Variants in EEF1A1 observed in about 807,000 individuals in gnomAD.
The protein encoded by EEF1A1 is elongation factor 1-alpha 1.
Under a neutral mutation model 38.5 loss-of-function variants are expected in EEF1A1, and 1 was observed. The observed-to-expected ratio is 0.03, with a 90% CI of 0.01 to 0.12. EEF1A1 has a LOEUF of 0.12. Among genes scored for constraint, EEF1A1 ranks in the 10% least tolerant of loss-of-function variants. The probability of loss-of-function intolerance (pLI) is 1.00; values close to 1 mark genes in which losing one functional copy is unlikely to be tolerated. For synonymous variants in EEF1A1, 229 were observed against 203.7 expected, an observed-to-expected ratio of 1.12 and a Z score of -1.06; for missense variants, 184 against 588.3, an observed-to-expected ratio of 0.31 and a Z score of 7.11.
chr6:73,519,136 CAGA>C lies in EEF1A1; in HGVS notation c.414_416del (p.Leu139del). ...GTTGTTTCACACCCAGTGTGTAAGC[CAGA>C]AGGGCATGCTCTCGGGTCTGCCCAT... On this transcript the variant is annotated inframe_deletion, in exon 4 of 8. Coordinates refer to ENST00000309268, the MANE Select transcript of EEF1A1 (RefSeq NM_001402.6). The C allele has an allele frequency of 6.3e-7, 1 of 1,598,178 alleles. No individual in the cohort carries two copies. The highest frequency in any genetic ancestry group is 8.5e-7 in the Non-Finnish European group (1 of 1,176,220).
chr6:73,519,836 G>A, intron 2 of EEF1A1, 47 bp downstream of exon 2: 1 of 1,609,178 alleles, frequency 6.2e-7, no homozygotes, highest in Middle Eastern at 2.0e-4. Context: ...GATTCTGCTG[G>A]TAAAACTCAT....
At chr6:73,518,302 T>C (rs1467165694) in intron 6 of EEF1A1, 38 bp from the exon 7 acceptor site, 1 of 1,611,082 alleles carries the variant, frequency 6.2e-7, no homozygotes, top group African/African-American at 1.3e-5. Flanking sequence ...AAATCCAAAG[T>C]CTCAAATGAC....
At chr6:73,519,542 G>A in intron 2 of EEF1A1, 26 bp from the exon 3 acceptor site, 2 of 1,562,478 alleles carry the variant, frequency 1.3e-6, no homozygotes, top group South Asian at 1.1e-5. Flanking sequence ...GTCGTTACTT[G>A]GTTACTAAAA....
Position 73,517,691 on chromosome 6 carries a change from ATTG to A in EEF1A1, c.*116_*118del. 1.8e-6 allele frequency: 1 copy of A among 563,858 alleles called. No individual in the cohort carries two copies. Among genetic ancestry groups the A allele is most frequent in the Non-Finnish European group, 3.1e-6 (1 of 323,660 alleles). 34.9% of individuals were successfully genotyped at this position (563,858 alleles called of 1,614,324 possible). On this transcript the variant is annotated 3_prime_UTR_variant, in exon 8 of 8. Transcript: ENST00000309268. ...TTTCCTTCTGAAGGTTTTACGATGC[ATTG>A]TTATCATTAACCAGTCTTTTACTAC...
rs11550843 is a variant in EEF1A1 at position 73,518,222 on chromosome 6, C to T, written c.1072G>A (p.Ala358Thr). ...GCCGTGTGGCAATCCAATACAGGGG[C>T]ATAGCCGGCGCTTATTTGGCCTGGA... is the stretch of plus-strand genomic sequence containing the variant. ...NHPGQISAGY[A>T]PVLDCHTAHI... Residue 358 changes from alanine to threonine, a missense_variant, in exon 7 of 8, where the codon GCC becomes ACC. Coordinates refer to ENST00000309268, the MANE Select transcript of EEF1A1 (RefSeq NM_001402.6). The T allele has an allele frequency of 1.1e-5, 17 of 1,613,962 alleles. No individual in the cohort carries two copies. Among genetic ancestry groups the T allele is most frequent in the Non-Finnish European group, 1.4e-5 (17 of 1,180,028 alleles).
chr6:73,520,193 G>A (rs1340228105), intron 1 of EEF1A1, 137 bp from the exon 2 acceptor site: 5 of 760,622 alleles, frequency 6.6e-6, no homozygotes, highest in Non-Finnish European at 8.2e-6. Flanking sequence ...CACCCACTCA[G>A]TGTGGGGAAA....
intron 3 of EEF1A1, 44 bp from the exon 4 acceptor site, chr6:73,519,272 A>G: frequency 1.9e-6 from 3 of 1,606,358 alleles, no homozygotes; most frequent in Non-Finnish European, 2.6e-6. Flanking sequence ...TCTCCAAATG[A>G]CAAAACCAGT....
rs186201572 is a variant in EEF1A1, at chr6:73,519,712, T to A, written c.144+171A>T. Among the ~76,000 whole-genome samples, 423 of 152,296 alleles carry A rather than the reference T, an allele frequency of 2.8e-3. 3 individuals are homozygous for A. The highest frequency in any genetic ancestry group is 9.4e-3 in the African/African-American group (391 of 41,566). ...CTTAACTATTAACATCCAAATCTAC[T>A]CACTAGCAATACGATTACAGAAGTC... On this transcript the variant is annotated intron_variant, in intron 2 of 7. Coordinates refer to ENST00000309268, the MANE Select transcript of EEF1A1 (RefSeq NM_001402.6).
In EEF1A1 at chr6:73,516,459, A is replaced by C. The variant is rs887822346; in HGVS notation, c.*1351T>G. On this transcript the variant is annotated 3_prime_UTR_variant, in exon 8 of 8. Transcript: ENST00000309268. ...ACCTCATCTCTATTAAAAACACCAA[A>C]TTAGCACATGCCTGTAATCCCAGCT... 1.3e-5 allele frequency: 2 copies of C among 152,080 alleles called. No individual in the cohort carries two copies. Among genetic ancestry groups the C allele is most frequent in the Non-Finnish European group, 2.9e-5 (2 of 68,030 alleles). The allele number at this position is 152,080 out of a possible 1,614,324, so 9.4% of individuals were successfully genotyped here.
At position 73,518,629 on chromosome 6, in the gene EEF1A1, T is replaced by G. The variant is rs1168794201; in HGVS notation, c.773-19A>C. The G allele has an allele frequency of 6.2e-7, 1 of 1,612,938 alleles. No individual in the cohort carries two copies. On this transcript the variant is annotated intron_variant, in intron 5 of 7. Transcript: ENST00000309268. ...CCAATACCTAAAAATATTTACAGCA[T>G]ACTAAATACCTATGAAGGCAGACAG...
chr6:73,518,632 T>C (rs779343366), intron 5 of EEF1A1, 22 bp from the exon 6 acceptor site: 76 of 1,612,872 alleles, frequency 4.7e-5, no homozygotes, highest in Non-Finnish European at 6.3e-5. Context: ...TACAGCATAC[T>C]AAATACCTAT....
chr6:73,518,582 C>T lies in EEF1A1; in HGVS notation c.801G>A (p.Val267=), dbSNP rs1308073181. Residue 267 remains valine (V), a synonymous_variant, in exon 6 of 8, where the codon GTG becomes GTA. Coordinates refer to ENST00000309268, the MANE Select transcript of EEF1A1 (RefSeq NM_001402.6). ...GGIGTVPVGR[V]ETGVLKPGMV... Reference sequence around the variant, plus strand: ...TACCGGGTTTGAGAACACCAGTCTCCACTCGGCCAACAGGAACAGTACCAA... The same window carrying T: ...TACCGGGTTTGAGAACACCAGTCTCTACTCGGCCAACAGGAACAGTACCAA... 2 of 1,613,606 alleles carry T rather than the reference C, an allele frequency of 1.2e-6. No individual in the cohort carries two copies. Among genetic ancestry groups the T allele is most frequent in the Admixed American group, 3.3e-5 (2 of 60,004 alleles).
intron 2 of EEF1A1, 96 bp downstream of exon 2, chr6:73,519,787 G>C (rs990124890): frequency 2.6e-6 from 4 of 1,547,052 alleles, no homozygotes; most frequent in Non-Finnish European, 3.5e-6. Flanking sequence ...TTAGCATTCA[G>C]ATCTAAACCA....
Position 73,519,634 on chromosome 6 carries a change from T to C in EEF1A1, c.145-118A>G, listed in dbSNP as rs1437876404. On this transcript the variant is annotated intron_variant, in intron 2 of 7. Coordinates refer to ENST00000309268, the MANE Select transcript of EEF1A1 (RefSeq NM_001402.6). ...TACAACTCCAAGTCCAAAGTGATTT[T>C]AGTCACTTTGGGTTACAGAAGCAAC... The C allele has an allele frequency of 5.5e-6, 7 of 1,272,998 alleles. No homozygotes were observed. The African/African-American group carries it at 8.9e-5, about 16-fold the overall frequency. The allele number at this position is 1,272,998 out of a possible 1,614,324, so 78.9% of individuals were successfully genotyped here. A position where few individuals can be genotyped will look rare whatever the true frequency, so the allele number is the denominator to read the frequency against.
chr6:73,520,223 TCCC>T, intron 1 of EEF1A1, 167 bp from the exon 2 acceptor site: 1 of 588,710 alleles, frequency 1.7e-6, no homozygotes, highest in Non-Finnish European at 2.8e-6. Context: ...ATAAAACCCC[TCCC>T]CCCAACCTAA....
At chr6:73,517,989 T>C (rs1205996614) in intron 7 of EEF1A1, 41 bp downstream of exon 7, 3 of 1,612,062 alleles carry the variant, frequency 1.9e-6, no homozygotes, top group African/African-American at 2.7e-5. Flanking sequence ...GTATTTTTCA[T>C]CTTTAACACA....
chr6:73,518,286 C>T (rs1456697056), intron 6 of EEF1A1, 22 bp from the exon 7 acceptor site: 2 of 1,610,856 alleles, frequency 1.2e-6, no homozygotes, highest in Admixed American at 1.7e-5. Flanking sequence ...GATTTGCATT[C>T]AGTGCAAATC....
intron 1 of EEF1A1, chr6:73,520,389 T>A: frequency 5.6e-6 from 1 of 180,036 alleles, no homozygotes; most frequent in South Asian, 1.1e-4. Flanking sequence ...CGCCGCGTCC[T>A]CCATTTTGAG....
intron 5 of EEF1A1, 26 bp from the exon 6 acceptor site, chr6:73,518,636 T>C (rs763013395): frequency 6.2e-7 from 1 of 1,613,000 alleles, no homozygotes; most frequent in Non-Finnish European, 8.5e-7. Context: ...GCATACTAAA[T>C]ACCTATGAAG....
Sources: allele counts gnomAD v4.1 joint callset (sites outside exome capture counted in the v4.1 genomes callset), GRCh38; gene constraint gnomAD v4.1.1; transcripts MANE v1.5; gene names NCBI Gene and HGNC (gene_info 2026-07-23, HGNC 2026-07-21).